The following YARS1 variants were observed in gnomAD, a reference collection of about 807,000 sequenced individuals.
YARS1 encodes the protein tyrosyl-tRNA synthetase 1, also known as tyrosine--tRNA ligase, cytoplasmic.
A neutral mutation model predicts 62.2 loss-of-function variants in YARS1; 36 were observed. The observed-to-expected ratio is 0.58, with a 90% confidence interval of 0.44 to 0.76. The LOEUF (loss-of-function observed/expected upper bound fraction) is 0.76, where lower values mean the gene tolerates loss of function less well. Among genes scored for constraint, YARS1 ranks in the 30% least tolerant of loss-of-function variants. YARS1 has a pLI of 0.00. For synonymous variants in YARS1, 234 were observed against 244.9 expected (o/e 0.96, Z 0.42); for missense variants, 524 against 639.8 (o/e 0.82, Z 1.95).
chr1:32,801,740 A>T (rs551066288), intron 4 of YARS1, among the ~76,000 whole-genome samples: 1 of 152,240 alleles, frequency 6.6e-6, no homozygotes, highest in South Asian at 2.1e-4. Flanking sequence ...TTTATCAACG[A>T]AGTTTATGTA....
intron 1 of YARS1, among the ~76,000 whole-genome samples, chr1:32,812,216 T>C (rs1638599810): frequency 1.3e-5 from 2 of 152,182 alleles, no homozygotes; most frequent in South Asian, 4.1e-4. Context: ...TCTCACTATG[T>C]TGCCCAGGCT....
At chr1:32,798,709 C>A (rs949253045) in intron 4 of YARS1, among the ~76,000 whole-genome samples, 11 of 152,166 alleles carry the variant, frequency 7.2e-5, no homozygotes, top group Admixed American at 2.0e-4. Flanking sequence ...ATAGTCCCAG[C>A]TACTCAGGAG....
intron 10 of YARS1, chr1:32,780,733 A>G (rs1653024679): frequency 4.4e-6 from 2 of 451,214 alleles, no homozygotes; most frequent in African/African-American, 4.0e-5. Context: ...GGCCCATCCA[A>G]GATAAGGCCT....
intron 4 of YARS1, among the ~76,000 whole-genome samples, chr1:32,801,594 A>G (rs1426126652): frequency 2.0e-5 from 3 of 152,114 alleles, no homozygotes; most frequent in Admixed American, 6.6e-5. Context: ...TAAGACAACA[A>G]TGAAGTTTGC....
At chr1:32,788,001 TCAGGAGGCTGAGG>T (rs1200233192) in intron 6 of YARS1, among the ~76,000 whole-genome samples, 1 of 152,048 alleles carries the variant, frequency 6.6e-6, no homozygotes, top group Non-Finnish European at 1.5e-5. Flanking sequence ...TCCCAGCTAC[TCAGGAGGCTGAGG>T]CAGGAGGATC....
Position 32,776,066 on chromosome 1 carries a change from C to G in YARS1, c.1502G>C (p.Cys501Ser). The G allele has an allele frequency of 1.2e-6, 2 of 1,614,080 alleles. No individual in the cohort carries two copies. Among genetic ancestry groups the G allele is most frequent in the Non-Finnish European group, 1.7e-6 (2 of 1,179,994 alleles). ...GTTGGTTTGCTTCCACTGTGCGATG[C>G]ACTCCTCAGAAATTTTGAAGTCAGC... is the stretch of plus-strand genomic sequence containing the variant. Reference protein sequence around the residue: ...LQADFKISEECIAQWKQTNFM... With the variant: ...LQADFKISEESIAQWKQTNFM... Residue 501 changes from cysteine to serine, a missense_variant, in exon 13 of 13, where the codon TGC becomes TCC. Cys to Ser is a moderately radical substitution (Grantham distance 112). Transcript: ENST00000373477. This position sits in a 1 kb window ranked among gnomAD's most constrained non-coding sequence, Gnocchi z 4.0.
intron 1 of YARS1, among the ~76,000 whole-genome samples, chr1:32,815,177 C>T (rs539692196): frequency 2.6e-5 from 4 of 152,168 alleles, no homozygotes; most frequent in African/African-American, 7.2e-5. Flanking sequence ...GGTGAAACCC[C>T]GTCTCTACTA....
chr1:32,812,570 A>G (rs957750694), intron 1 of YARS1, among the ~76,000 whole-genome samples: 7 of 152,216 alleles, frequency 4.6e-5, no homozygotes, highest in African/African-American at 1.7e-4. Context: ...TCTCTTCCCC[A>G]CACTAAGTCT....
chr1:32,806,391 C>T lies in YARS1; in HGVS notation c.510+91G>A, dbSNP rs112278462. The T allele has an allele frequency of 6.7e-4, 1,068 of 1,598,302 alleles. 13 individuals carry two copies. In the African/African-American group the frequency reaches 0.011, roughly 16 times the overall value. On this transcript the variant is annotated intron_variant, in intron 4 of 12. Coordinates refer to ENST00000373477, the MANE Select transcript of YARS1 (RefSeq NM_003680.4). Reference sequence around the variant, plus strand: ...CAATTTGTAAAAAACACAATATCTGCGTAGTGCAGTAAAGCAAAGTGCAAT... The same window carrying T: ...CAATTTGTAAAAAACACAATATCTGTGTAGTGCAGTAAAGCAAAGTGCAAT...
At chr1:32,810,066 A>G (rs1442903852) in intron 3 of YARS1, among the ~76,000 whole-genome samples, 1 of 149,556 alleles carries the variant, frequency 6.7e-6, no homozygotes, top group Admixed American at 6.8e-5. Context: ...AGATCGCGCC[A>G]TTGCACTCCA....
intron 5 of YARS1, among the ~76,000 whole-genome samples, chr1:32,795,393 T>C (rs1301107892): frequency 6.6e-6 from 1 of 152,204 alleles, no homozygotes; most frequent in African/African-American, 2.4e-5. Context: ...AGTAAAACTG[T>C]TTCTTGCATT....
chr1:32,801,889 C>CTG (rs995300191), intron 4 of YARS1, among the ~76,000 whole-genome samples: 2 of 151,072 alleles, frequency 1.3e-5, no homozygotes, highest in African/African-American at 4.9e-5. Flanking sequence ...GAGATTGCAG[C>CTG]AATTCAGTCA....
chr1:32,799,800 T>G (rs576671078), intron 4 of YARS1, among the ~76,000 whole-genome samples: 3 of 152,058 alleles, frequency 2.0e-5, no homozygotes, highest in African/African-American at 7.2e-5. Context: ...ACCTAGTTTT[T>G]TCTTTCTTTC....
intron 8 of YARS1, chr1:32,783,432 T>A (rs1285368978): frequency 6.6e-6 from 1 of 152,184 alleles, no homozygotes; most frequent in Non-Finnish European, 1.5e-5. Flanking sequence ...TGCCTCAGCC[T>A]CCTGAGTAGC....
chr1:32,800,736 G>A (rs1454254205), intron 4 of YARS1, among the ~76,000 whole-genome samples: 1 of 152,062 alleles, frequency 6.6e-6, no homozygotes, highest in Non-Finnish European at 1.5e-5. Flanking sequence ...ACCACACCTG[G>A]CTAATTTTTT....
chr1:32,807,544 T>G (rs1638491204), intron 3 of YARS1, among the ~76,000 whole-genome samples: 1 of 151,944 alleles, frequency 6.6e-6, no homozygotes, highest in Non-Finnish European at 1.5e-5. Context: ...GCAGCCTCAA[T>G]CTCCCTGGGC....
In YARS1 at chr1:32,776,742, G is replaced by A. The variant is rs1312919363; in HGVS notation, c.1477-651C>T. Among the ~76,000 whole-genome samples the A allele has an allele frequency of 1.3e-5, 2 of 152,002 alleles. No individual in the cohort carries two copies. The highest frequency in any genetic ancestry group is 4.8e-5 in the African/African-American group (2 of 41,426). On this transcript the variant is annotated intron_variant, in intron 12 of 12. Transcript: ENST00000373477. This position sits in a 1 kb window ranked among gnomAD's most constrained non-coding sequence, Gnocchi z 4.0. ...AGCATTTCGGGAGGCCGAGGTGGGC[G>A]GATCACGAGGTCAGGAGATTGAGAC...
intron 5 of YARS1, among the ~76,000 whole-genome samples, chr1:32,797,181 G>A (rs930379284): frequency 6.7e-6 from 1 of 150,198 alleles, no homozygotes; most frequent in Admixed American, 6.7e-5. Context: ...AGACCTGCCT[G>A]GGCAACACAG....
intron 8 of YARS1, 51 bp from the exon 9 acceptor site, chr1:32,782,590 G>A (rs756306615): frequency 6.2e-7 from 1 of 1,612,328 alleles, no homozygotes; most frequent in Non-Finnish European, 8.5e-7. Flanking sequence ...CAGGGCACAG[G>A]ACACCTGAAT....
Sources: gnomAD v4.1 joint callset for allele counts (sites outside exome capture counted in the v4.1 genomes callset) on GRCh38, gnomAD v4.1.1 for gene constraint, Gnocchi (gnomAD v3.1) non-coding constraint, MANE v1.5 for transcripts, NCBI Gene and HGNC (gene_info 2026-07-23, HGNC 2026-07-21) for gene names.